The following SASH1 variants were observed in gnomAD, a reference collection of about 807,000 sequenced individuals.
SASH1 encodes SAM and SH3 domain-containing protein 1.
SASH1 carries 44 observed loss-of-function variants against 125.2 expected under a neutral mutation model. The ratio of observed to expected loss-of-function variants is 0.35; its 90% confidence interval spans 0.28 to 0.45. The LOEUF is 0.45. SASH1 is among the 20% of genes least tolerant of loss of function. The pLI is 1.00. For synonymous variants in SASH1, 639 were observed against 649.1 expected, an observed-to-expected ratio of 0.98 and a Z score of 0.24; for missense variants, 1,426 against 1,614.5, an observed-to-expected ratio of 0.88 and a Z score of 2.00.
Position 148,503,895 on chromosome 6 carries a change from G to A in SASH1, c.730-10429G>A, listed in dbSNP as rs189175474. Among the ~76,000 whole-genome samples the A allele has an allele frequency of 7.0e-4, 107 of 152,212 alleles. 1 individual carries two copies. The highest frequency in any genetic ancestry group is 2.4e-3 in the African/African-American group (101 of 41,544). Reference sequence around the variant, plus strand: ...AAGTTTTCTGAGTATGGGATGATACGTCATTTCTCTTACTACTTTGTGCAT... The same window carrying A: ...AAGTTTTCTGAGTATGGGATGATACATCATTTCTCTTACTACTTTGTGCAT... On this transcript the variant is annotated intron_variant, in intron 8 of 19. Coordinates refer to ENST00000367467, the MANE Select transcript of SASH1 (RefSeq NM_015278.5).
At chr6:148,531,373 T>C (rs1427540306) in intron 12 of SASH1, among the ~76,000 whole-genome samples, 153 bp from the exon 13 acceptor site, 1 of 152,188 alleles carries the variant, frequency 6.6e-6, no homozygotes, top group African/African-American at 2.4e-5. Context: ...TAAGCGAGGA[T>C]GTAAGTTTAA....
intron 6 of SASH1, among the ~76,000 whole-genome samples, chr6:148,472,646 C>T (rs1042223871): frequency 6.6e-6 from 1 of 152,072 alleles, no homozygotes; most frequent in Non-Finnish European, 1.5e-5. Context: ...ACCCAGCACA[C>T]GCTATTATTC....
chr6:148,357,101 T>G (rs1191297904), intron 1 of SASH1, among the ~76,000 whole-genome samples: 2 of 152,222 alleles, frequency 1.3e-5, no homozygotes, highest in South Asian at 2.1e-4. Context: ...GTTGGGTGTA[T>G]AGTTTGCGAA....
chr6:148,486,961 A>G (rs763637730), intron 7 of SASH1, among the ~76,000 whole-genome samples: 1 of 22,222 alleles, frequency 4.5e-5, no homozygotes, highest in Non-Finnish European at 1.0e-4. Flanking sequence ...ATATATATAT[A>G]TATATATATA....
At chr6:148,363,864 T>C (rs1317746075) in intron 1 of SASH1, among the ~76,000 whole-genome samples, 1 of 152,074 alleles carries the variant, frequency 6.6e-6, no homozygotes, top group Non-Finnish European at 1.5e-5. Context: ...AAAGAGGATA[T>C]GGAGAAAATG....
chr6:148,263,831 C>G, the SASH1 span, among the ~76,000 whole-genome samples: 1 of 152,146 alleles, frequency 6.6e-6, no homozygotes, highest in Non-Finnish European at 1.5e-5. Flanking sequence ...TTTTCCTGCC[C>G]CTGTCTGGAT....
intron 6 of SASH1, among the ~76,000 whole-genome samples, chr6:148,472,528 C>G (rs183022821): frequency 6.6e-6 from 1 of 152,002 alleles, no homozygotes; most frequent in East Asian, 1.9e-4. Context: ...CAACAGTTTA[C>G]CAGCTAATGT....
intron 9 of SASH1, among the ~76,000 whole-genome samples, chr6:148,517,814 G>A (rs1780530910): frequency 1.3e-5 from 2 of 152,232 alleles, no homozygotes; most frequent in African/African-American, 4.8e-5. Context: ...CCCAGAAAAT[G>A]TCCAAAGCAA....
intron 1 of SASH1, among the ~76,000 whole-genome samples, chr6:148,365,787 A>C (rs1782423764): frequency 6.6e-6 from 1 of 151,888 alleles, no homozygotes; most frequent in South Asian, 2.1e-4. Context: ...CAGCTTGCAC[A>C]ACATGATGAA....
intron 2 of SASH1, among the ~76,000 whole-genome samples, chr6:148,408,227 C>G (rs1274909896): frequency 6.8e-6 from 1 of 147,880 alleles, no homozygotes; most frequent in African/African-American, 2.5e-5. Flanking sequence ...CCTGCCTCAA[C>G]CTCCCAAGTA....
At chr6:148,269,689 C>T (rs1439946898), upstream of SASH1, among the ~76,000 whole-genome samples, 4 of 152,192 alleles carry the variant, frequency 2.6e-5, no homozygotes, top group African/African-American at 9.6e-5. Context: ...TTTTAATTAC[C>T]TCCGTAAAGA....
At chr6:148,429,502 T>A (rs1775976062) in intron 2 of SASH1, among the ~76,000 whole-genome samples, 1 of 148,830 alleles carries the variant, frequency 6.7e-6, no homozygotes, top group South Asian at 2.2e-4. Context: ...TCTAATCCCA[T>A]CATTTTGGGA....
upstream of SASH1, among the ~76,000 whole-genome samples, chr6:148,270,733 T>A (rs1425402629): frequency 2.0e-5 from 3 of 152,160 alleles, no homozygotes; most frequent in Admixed American, 2.0e-4. Flanking sequence ...TCTTGGTTAA[T>A]ACACCATCAC....
Position 148,425,456 on chromosome 6 carries a change from C to A in SASH1, c.286-14728C>A, listed in dbSNP as rs547322601. ...TTTTTACCTCTTAGTTTGAGTAAAA[C>A]TTCTTGTTACTAATAACCAACAAGA... On this transcript the variant is annotated intron_variant, in intron 2 of 19. Transcript: ENST00000367467. Among the ~76,000 whole-genome samples the A allele has an allele frequency of 5.3e-5, 8 of 152,122 alleles. No individual in the cohort carries two copies. In the East Asian group the frequency reaches 1.5e-3, roughly 29 times the overall value.
At chr6:148,211,526 G>T in the SASH1 span, among the ~76,000 whole-genome samples, 5 of 151,452 alleles carry the variant, frequency 3.3e-5, no homozygotes. Flanking sequence ...AGCCAAGATT[G>T]TGCCACTGCA....
At chr6:148,325,001 A>G (rs1040437677) in intron 1 of SASH1, among the ~76,000 whole-genome samples, 3 of 152,208 alleles carry the variant, frequency 2.0e-5, no homozygotes, top group Non-Finnish European at 4.4e-5. Flanking sequence ...AGTTACCAAT[A>G]AAAGCCTTAG....
At chr6:148,325,359 C>T (rs865793749) in intron 1 of SASH1, among the ~76,000 whole-genome samples, 1 of 152,020 alleles carries the variant, frequency 6.6e-6, no homozygotes, top group Non-Finnish European at 1.5e-5. Context: ...TCACTGCAAC[C>T]TCTGCCTCCC....
Position 148,327,354 on chromosome 6 carries a change from G to A in SASH1, n.74+54977G>A, listed in dbSNP as rs192236228. On this transcript the variant is annotated intron_variant and non_coding_transcript_variant, in intron 1 of 3. Coordinates refer to the SASH1 transcript ENST00000367469. ...GGCTAGAGTGCAGTAGCACGATCTC[G>A]GCTCACTGCAACCTCCGCCTCCGAG... Among the ~76,000 whole-genome samples the A allele has an allele frequency of 5.7e-3, 861 of 150,010 alleles. 17 individuals are homozygous for A. Among genetic ancestry groups the A allele is most frequent in the African/African-American group, 0.02 (831 of 40,788 alleles).
intron 2 of SASH1, among the ~76,000 whole-genome samples, chr6:148,402,573 T>C (rs1784211169): frequency 6.6e-6 from 1 of 151,752 alleles, no homozygotes; most frequent in South Asian, 2.1e-4. Context: ...CCTCCCAAAG[T>C]GCTGGGATTA....
Sources: gnomAD v4.1 joint callset for allele counts (sites outside exome capture counted in the v4.1 genomes callset) on GRCh38, gnomAD v4.1.1 for gene constraint, MANE v1.5 for transcripts, NCBI Gene and HGNC (gene_info 2026-07-23, HGNC 2026-07-21) for gene names.